NBAS: variants seen among roughly 807,000 people sequenced by gnomAD.
The protein encoded by NBAS is NAG/BC035112 fusion.
A neutral mutation model predicts 302.5 loss-of-function variants in NBAS; 219 were observed. That is an observed-to-expected ratio of 0.72 (90% CI 0.65 to 0.81). NBAS has a LOEUF of 0.81. Among genes scored for constraint, NBAS ranks in the 30% least tolerant of loss-of-function variants. The pLI is 0.00. For synonymous variants in NBAS, 1,118 were observed against 1,021.6 expected, an observed-to-expected ratio of 1.09 and a Z score of -1.80; for missense variants, 2,932 against 2,841.6, an observed-to-expected ratio of 1.03 and a Z score of -0.72.
At chr2:15,357,402 C>T (rs756322870) in intron 32 of NBAS, among the ~76,000 whole-genome samples, 20 of 152,164 alleles carry the variant, frequency 1.3e-4, no homozygotes, top group Non-Finnish European at 2.4e-4. Context: ...TTGCTGTCTG[C>T]TGAAAATAAA....
chr2:15,276,479 G>C (rs1169722424), intron 43 of NBAS, among the ~76,000 whole-genome samples: 2 of 152,018 alleles, frequency 1.3e-5, no homozygotes, highest in African/African-American at 2.4e-5. Context: ...AAACATATAG[G>C]CTCCAGTGGA....
intron 6 of NBAS, among the ~76,000 whole-genome samples, chr2:15,548,447 G>C (rs1199758778): frequency 3.3e-5 from 5 of 152,092 alleles, no homozygotes; most frequent in African/African-American, 1.2e-4. Flanking sequence ...TTCAAGACCA[G>C]CCTGGCCAAC....
the NBAS span, among the ~76,000 whole-genome samples, chr2:14,790,211 C>T: frequency 1.3e-5 from 2 of 152,210 alleles, no homozygotes; most frequent in Non-Finnish European, 2.9e-5. Flanking sequence ...TTACTGCTAA[C>T]TTCTTTGTGA....
chr2:15,196,144 C>T (rs1665609568), intron 48 of NBAS, among the ~76,000 whole-genome samples: 1 of 152,188 alleles, frequency 6.6e-6, no homozygotes, highest in Admixed American at 6.5e-5. Context: ...CTCGGGCTCT[C>T]TCTGCCTTAC....
chr2:14,804,349 G>T, the NBAS span, among the ~76,000 whole-genome samples: 111 of 152,300 alleles, frequency 7.3e-4, no homozygotes, highest in Non-Finnish European at 9.8e-4. Flanking sequence ...AGTGCTGTCT[G>T]GTGTTTTAAG....
At chr2:14,790,649 CT>C in the NBAS span, among the ~76,000 whole-genome samples, 18,949 of 124,272 alleles carry the variant, frequency 0.15, 1,817 homozygotes, top group African/African-American at 0.4. Context: ...GAATTCATGC[CT>C]TTTTTTTTTT....
chr2:15,532,509 A>C (rs1380295913), intron 9 of NBAS, among the ~76,000 whole-genome samples: 1 of 150,146 alleles, frequency 6.7e-6, no homozygotes, highest in Non-Finnish European at 1.5e-5. Flanking sequence ...AAAAAAAAAA[A>C]ACTATAAAAT....
At chr2:14,964,657 A>T in the NBAS span, among the ~76,000 whole-genome samples, 4 of 152,206 alleles carry the variant, frequency 2.6e-5, no homozygotes, top group African/African-American at 9.6e-5. Flanking sequence ...AAGGATATAG[A>T]ATATAGGAAG....
intron 21 of NBAS, among the ~76,000 whole-genome samples, chr2:15,458,184 AAC>A (rs1295274698): frequency 1.3e-5 from 2 of 152,244 alleles, no homozygotes; most frequent in Non-Finnish European, 2.9e-5. Context: ...GTATGACTAT[AAC>A]ACAGTGTAAA....
chr2:14,872,304 C>T, the NBAS span, among the ~76,000 whole-genome samples: 1 of 151,782 alleles, frequency 6.6e-6, no homozygotes, highest in Non-Finnish European at 1.5e-5. Flanking sequence ...ATAGAACAGA[C>T]AAAAAAAATT....
In NBAS at chr2:15,424,325, T is replaced by C. The variant is rs777027127; in HGVS notation, c.2567A>G (p.Tyr856Cys). ...YQTRAEEIEH[Y>C]ARQVDCALSL... ...GCCATTTCCCCTCACCTGCCGAGCA[T>C]AATGCTCTATTTCCTCTGCTCTGGT... Residue 856 changes from tyrosine (Y) to cysteine (C), a missense_variant, in exon 23 of 52, where the codon TAT becomes TGT. Tyr to Cys is a radical substitution (Grantham distance 194). Transcript: ENST00000281513. The C allele has an allele frequency of 6.2e-7, 1 of 1,613,952 alleles. No individual in the cohort carries two copies.
intron 10 of NBAS, among the ~76,000 whole-genome samples, chr2:15,506,143 T>C (rs1284740783): frequency 6.6e-6 from 1 of 151,856 alleles, no homozygotes; most frequent in African/African-American, 2.4e-5. Flanking sequence ...GAGAAGATAG[T>C]AAGAAGCAGT....
At chr2:14,982,874 T>C in the NBAS span, among the ~76,000 whole-genome samples, 1 of 151,930 alleles carries the variant, frequency 6.6e-6, no homozygotes, top group Non-Finnish European at 1.5e-5. Context: ...GGGCAGGAAA[T>C]AAGAAGGGAA....
At chr2:15,186,390 A>C (rs1665088509) in intron 50 of NBAS, among the ~76,000 whole-genome samples, 1 of 152,124 alleles carries the variant, frequency 6.6e-6, no homozygotes, top group South Asian at 2.1e-4. Flanking sequence ...AAGAGTGCTA[A>C]AGTTTACTAT....
intron 41 of NBAS, among the ~76,000 whole-genome samples, chr2:15,291,858 C>T (rs1201537316): frequency 1.3e-5 from 2 of 151,746 alleles, no homozygotes; most frequent in Non-Finnish European, 2.9e-5. Context: ...CCATTTTTCG[C>T]CCCTGATCAC....
At chr2:14,913,622 T>C in the NBAS span, among the ~76,000 whole-genome samples, 1 of 152,094 alleles carries the variant, frequency 6.6e-6, no homozygotes, top group Non-Finnish European at 1.5e-5. Context: ...AAAGGAGGAA[T>C]GTGTTTAGAT....
chr2:15,315,531 T>C (rs955422106), intron 38 of NBAS, among the ~76,000 whole-genome samples: 1 of 152,222 alleles, frequency 6.6e-6, no homozygotes, highest in South Asian at 2.1e-4. Flanking sequence ...GGGGGTTTCC[T>C]AGAAGACACT....
intron 48 of NBAS, among the ~76,000 whole-genome samples, chr2:15,203,402 T>G (rs569185900): frequency 1.1e-4 from 17 of 152,324 alleles, no homozygotes; most frequent in Middle Eastern, 6.8e-3. Flanking sequence ...TGGAAGGCCC[T>G]CAAAACATGG....
At chr2:14,944,259 G>A in the NBAS span, among the ~76,000 whole-genome samples, 4 of 152,242 alleles carry the variant, frequency 2.6e-5, no homozygotes, top group South Asian at 6.2e-4. Context: ...GAGATCGATC[G>A]CACCACTGCC....
Sources: gnomAD v4.1 joint callset for allele counts (sites outside exome capture counted in the v4.1 genomes callset) on GRCh38, gnomAD v4.1.1 for gene constraint, MANE v1.5 for transcripts, NCBI Gene and HGNC (gene_info 2026-07-23, HGNC 2026-07-21) for gene names.